The following HR variants were observed in gnomAD, a reference collection of about 807,000 sequenced individuals.
HR encodes the protein HR lysine demethylase and nuclear receptor corepressor.
A neutral mutation model predicts 128.6 loss-of-function variants in HR; 83 were observed. That is an observed-to-expected ratio of 0.65 (90% CI 0.54 to 0.77). HR has a LOEUF of 0.77. Among genes scored for constraint, HR ranks in the 30% least tolerant of loss-of-function variants. HR has a pLI of 0.00. For synonymous variants in HR, 681 were observed against 658.2 expected (o/e 1.03, Z -0.53); for missense variants, 1,490 against 1,574.6 (o/e 0.95, Z 0.91).
In HR at chr8:22,118,853, C is replaced by G. The variant is rs970904983; in HGVS notation, c.3213+97G>C. On this transcript the variant is annotated intron_variant, in intron 16 of 18. Coordinates refer to ENST00000381418, the MANE Select transcript of HR (RefSeq NM_005144.5). ...GTGCAGCTCACCTGAGGGCGTGGGG[C>G]AGGGAGCGAGCACATGGGACCGCAC... The G allele has an allele frequency of 6.9e-6, 7 of 1,011,524 alleles. No individual in the cohort carries two copies. In the East Asian group the frequency reaches 1.2e-4, roughly 18 times the overall value. 62.7% of individuals were successfully genotyped at this position (1,011,524 alleles called of 1,614,324 possible).
Position 22,116,481 on chromosome 8 carries a change from G to C in HR, c.3379-53C>G. 6.3e-7 allele frequency: 1 copy of C among 1,585,370 alleles called. No individual in the cohort carries two copies. Among genetic ancestry groups the C allele is most frequent in the Admixed American group, 1.8e-5 (1 of 56,086 alleles). On this transcript the variant is annotated intron_variant, in intron 17 of 18. Coordinates refer to ENST00000381418, the MANE Select transcript of HR (RefSeq NM_005144.5). This position sits in a 1 kb window ranked among gnomAD's most constrained non-coding sequence, Gnocchi z 4.2. ...GCTCAAGATCACACATCCTCTCCCT[G>C]TCCCCCTGGTCCCTGAGGTTCGCTT...
Position 22,115,614 on chromosome 8 carries a change from C to G in HR, c.*86G>C. ...GGTTGACCAGAAATCCCCAAGTCCC[C>G]TAGCGCCATCCCCTGCTGAAGTTGT... On this transcript the variant is annotated 3_prime_UTR_variant, in exon 19 of 19. Transcript: ENST00000381418. The G allele has an allele frequency of 8.4e-7, 1 of 1,196,182 alleles. No individual in the cohort carries two copies. Among genetic ancestry groups the G allele is most frequent in the Admixed American group, 1.8e-5 (1 of 56,806 alleles). The allele number at this position is 1,196,182 out of a possible 1,614,324, so 74.1% of individuals were successfully genotyped here.
Position 22,127,402 on chromosome 8 carries a change from C to T in HR, c.1040G>A (p.Gly347Asp). Residue 347 changes from glycine (G) to aspartate (D), a missense_variant, in exon 3 of 19, where the codon GGC (glycine) becomes GAC (aspartate). By Grantham distance (94) the Gly-to-Asp change is moderately conservative. This residue lies in a region of HR where 1,060 missense variants were observed against 1,060.9 expected (regional missense o/e 1.00). Transcript: ENST00000381418. The part of the protein sequence containing the change: ...GLGPCGKCQE[G>D]LEGGASGASE... ...GGCTCCACTGGCACCCCCCTCCAGG[C>T]CCTCCTGGCACTTCCCACAAGGGCC... The T allele has an allele frequency of 6.2e-7, 1 of 1,613,308 alleles. No individual in the cohort carries two copies. Among genetic ancestry groups the T allele is most frequent in the South Asian group, 1.1e-5 (1 of 91,082 alleles).
At chr8:22,123,617 T>TGCACCCCCC in intron 6 of HR, 32 bp downstream of exon 6, 1 of 292,092 alleles carries the variant, frequency 3.4e-6, no homozygotes, top group South Asian at 3.0e-5. Context: ...GAGGGCTCCA[T>TGCACCCCCC]CCCGCCCTCC....
chr8:22,116,880 G>A lies in HR; in HGVS notation c.3373C>T (p.His1125Tyr), dbSNP rs1407277375. ...EAVLVPAGAP[H>Y]QVQGLVSTVS... Reference sequence around the variant, plus strand: ...CCCTGCCCGCTGGGAAGCACCTGGTGGGGAGCCCCTGCAGGCACCAGCACG... The same window carrying A: ...CCCTGCCCGCTGGGAAGCACCTGGTAGGGAGCCCCTGCAGGCACCAGCACG... Residue 1125 changes from histidine (H) to tyrosine (Y), a missense_variant, in exon 17 of 19, where the codon CAC (histidine) becomes TAC (tyrosine). Physicochemically the swap from His to Tyr is moderately conservative, Grantham distance 83 (BLOSUM62 2). Transcript: ENST00000381418. The surrounding 1 kb of genome is among the most constrained non-coding windows in gnomAD (Gnocchi z 4.2). 2 of 1,571,102 alleles carry A rather than the reference G, an allele frequency of 1.3e-6. No individual in the cohort carries two copies. Among genetic ancestry groups the A allele is most frequent in the Non-Finnish European group, 1.7e-6 (2 of 1,162,980 alleles).
At position 22,130,861 on chromosome 8, in the gene HR, A is replaced by AG. The variant is rs963991168; in HGVS notation, c.-475dup. The AG allele has an allele frequency of 2.0e-5, 3 of 152,046 alleles. No homozygotes were observed. The highest frequency in any genetic ancestry group is 4.4e-5 in the Non-Finnish European group (3 of 68,034). The allele number at this position is 152,046 out of a possible 1,614,324, so 9.4% of individuals were successfully genotyped here. Reference sequence around the variant, plus strand: ...GGGGGAAAGGCCGAGGGGCCGGGGAAGGGGGTCGTGCCTGGATGGTGGGGG... The same window carrying AG: ...GGGGGAAAGGCCGAGGGGCCGGGGAAGGGGGGTCGTGCCTGGATGGTGGGGG... On this transcript the variant is annotated 5_prime_UTR_variant, in exon 1 of 19. Coordinates refer to ENST00000381418, the MANE Select transcript of HR (RefSeq NM_005144.5).
intron 5 of HR, among the ~76,000 whole-genome samples, chr8:22,124,240 G>A (rs1012062626): frequency 9.9e-5 from 15 of 152,180 alleles, no homozygotes; most frequent in African/African-American, 1.4e-4. Flanking sequence ...CTTTGTTGTC[G>A]TTGTTTTGAG....
intron 9 of HR, among the ~76,000 whole-genome samples, 185 bp downstream of exon 9, chr8:22,121,428 G>A (rs1826749997): frequency 6.6e-6 from 1 of 152,072 alleles, no homozygotes; most frequent in African/African-American, 2.4e-5. Context: ...TAAAAAGAGG[G>A]GTTCAGAGGG....
Position 22,114,956 on chromosome 8 carries a change from G to T in HR, c.*744C>A, listed in dbSNP as rs569585572. ...CAGGCAGTGGTGTCCTGTCCCTTGG[G>T]CCCCAGCTCCGGGCTGCCCTACTCC... On this transcript the variant is annotated 3_prime_UTR_variant, in exon 19 of 19. Coordinates refer to ENST00000381418, the MANE Select transcript of HR (RefSeq NM_005144.5). 1 of 152,916 alleles carries T rather than the reference G, an allele frequency of 6.5e-6. No individual in the cohort carries two copies. Among genetic ancestry groups the T allele is most frequent in the African/African-American group, 2.4e-5 (1 of 41,582 alleles). 9.5% of individuals were successfully genotyped at this position (152,916 alleles called of 1,614,324 possible). A position where few individuals can be genotyped will look rare whatever the true frequency, so the allele number is the denominator to read the frequency against.
rs151169488 is a variant in HR, at chr8:22,116,257, GC to G, written c.3507+42del. 1.8e-3 allele frequency: 2,934 copies of G among 1,611,080 alleles called. 51 individuals are homozygous for G. The African/African-American group carries it at 0.035, about 19-fold the overall frequency. On this transcript the variant is annotated intron_variant, in intron 18 of 18. Transcript: ENST00000381418. The surrounding 1 kb of genome is among the most constrained non-coding windows in gnomAD (Gnocchi z 4.2). ...CAGCTGTGGCACAGGGAGGTGGGAG[GC>G]TTGGGTAGCACACCCAGCCTGCTGG...
rs767407285 is a variant in HR at position 22,120,971 on chromosome 8, G to T, written c.2368-13C>A. The T allele has an allele frequency of 2.5e-6, 4 of 1,604,902 alleles. No homozygotes were observed. The highest frequency in any genetic ancestry group is 3.4e-6 in the Non-Finnish European group (4 of 1,175,844). On this transcript the variant is annotated splice_polypyrimidine_tract_variant and intron_variant, in intron 10 of 18. Transcript: ENST00000381418. ...TGATGCGGTCATCCTGCAGAGAGGG[G>T]CACAGGGGCTTAGGACCCACTGGGC...
Position 22,116,800 on chromosome 8 carries a change from GGATGCCTGCGGC to G in HR, c.3378+63_3378+74del. 6.6e-7 allele frequency: 1 copy of G among 1,515,088 alleles called. No homozygotes were observed. The highest frequency in any genetic ancestry group is 8.9e-7 in the Non-Finnish European group (1 of 1,126,162). The allele number at this position is 1,515,088 out of a possible 1,614,324, so 93.9% of individuals were successfully genotyped here. A position where few individuals can be genotyped will look rare whatever the true frequency, so the allele number is the denominator to read the frequency against. ...GGCTCTTGGGTATTGAGGGGATGTT[GGATGCCTGCGGC>G]CTTGATTGGGTCGCTTCTGCCATCC... On this transcript the variant is annotated intron_variant, in intron 17 of 18. Coordinates refer to ENST00000381418, the MANE Select transcript of HR (RefSeq NM_005144.5). The surrounding 1 kb of genome is among the most constrained non-coding windows in gnomAD (Gnocchi z 4.2).
chr8:22,122,613 G>T lies in HR; in HGVS notation c.2006-5C>A, dbSNP rs756531488. 6.2e-7 allele frequency: 1 copy of T among 1,602,540 alleles called. No individual in the cohort carries two copies. The highest frequency in any genetic ancestry group is 1.1e-5 in the South Asian group (1 of 89,938). On this transcript the variant is annotated splice_region_variant and splice_polypyrimidine_tract_variant and intron_variant, in intron 7 of 18. Coordinates refer to ENST00000381418, the MANE Select transcript of HR (RefSeq NM_005144.5). ...CAGTGCTCAGCTCTGCCAAAGCTGG[G>T]GGTGGGGGTGGGCAGGAGAGGGAGG...
intron 5 of HR, among the ~76,000 whole-genome samples, chr8:22,124,936 T>C (rs1277217017): frequency 6.6e-6 from 1 of 152,036 alleles, no homozygotes; most frequent in African/African-American, 2.4e-5. Flanking sequence ...CCAGCAGCCT[T>C]TGGTCATGAG....
chr8:22,122,593 C>A lies in HR; in HGVS notation c.2021G>T (p.Ser674Ile). ...GACCCAGACCTGGTGCATTGCAGTG[C>A]TCAGCTCTGCCAAAGCTGGGGGTGG... The part of the protein sequence containing the change: ...FVSSQALAEL[S>I]TAMHQVWVKF... Residue 674 changes from serine (S) to isoleucine (I), a missense_variant, in exon 8 of 19, where the codon AGC (serine) becomes ATC (isoleucine). Transcript: ENST00000381418. 6.2e-7 allele frequency: 1 copy of A among 1,609,678 alleles called. No individual in the cohort carries two copies. The highest frequency in any genetic ancestry group is 8.5e-7 in the Non-Finnish European group (1 of 1,177,796).
At position 22,115,435 on chromosome 8, in the gene HR, GC is replaced by G; in HGVS notation, c.*264del. 1 of 574,308 alleles carries G rather than the reference GC, an allele frequency of 1.7e-6. No individual in the cohort carries two copies. Among genetic ancestry groups the G allele is most frequent in the South Asian group, 2.0e-5 (1 of 48,798 alleles). 35.6% of individuals were successfully genotyped at this position (574,308 alleles called of 1,614,324 possible). On this transcript the variant is annotated 3_prime_UTR_variant, in exon 19 of 19. Coordinates refer to ENST00000381418, the MANE Select transcript of HR (RefSeq NM_005144.5). ...GAGTGGGGATTGGAGGAAGTCAATT[GC>G]CCCCAGTGCGGGCCTGGTACCATGA... is the stretch of plus-strand genomic sequence containing the variant.
chr8:22,119,820 A>C lies in HR; in HGVS notation c.2917T>G (p.Ser973Ala). Residue 973 changes from serine (S) to alanine (A), a missense_variant, in exon 14 of 19, where the codon TCC (serine) becomes GCC (alanine). Physicochemically the swap from Ser to Ala is moderately conservative, Grantham distance 99 (BLOSUM62 1). Transcript: ENST00000381418. ...AGGGCAAGGCCCGGTGGGAGGTAGG[A>C]AGCCAGGTTGAGTTTTCCATGGAGG... ...CALHGKLNLA[S>A]YLPPGLALRP... 6.2e-7 allele frequency: 1 copy of C among 1,613,660 alleles called. No homozygotes were observed. Among genetic ancestry groups the C allele is most frequent in the Non-Finnish European group, 8.5e-7 (1 of 1,179,946 alleles).
chr8:22,122,941 A>G, intron 6 of HR, 62 bp from the exon 7 acceptor site: 3 of 1,476,208 alleles, frequency 2.0e-6, no homozygotes, highest in Admixed American at 2.0e-5. Context: ...GGTTAAGGTC[A>G]GAGAAGGTCA....
chr8:22,122,851 G>A lies in HR; in HGVS notation c.1944C>T (p.Cys648=), dbSNP rs1826790386. The A allele has an allele frequency of 1.9e-6, 3 of 1,554,728 alleles. No individual in the cohort carries two copies. The highest frequency in any genetic ancestry group is 2.6e-6 in the Non-Finnish European group (3 of 1,149,202). The part of the protein sequence containing the change: ...AGFQEQSAEE[C]TQEAGHAACS... Reference sequence around the variant, plus strand: ...AGGCAGCGTGCCCGGCCTCCTGCGTGCACTCCTCCGCGGACTGCTCCTGAA... The same window carrying A: ...AGGCAGCGTGCCCGGCCTCCTGCGTACACTCCTCCGCGGACTGCTCCTGAA... Residue 648 remains cysteine (C), a synonymous_variant, in exon 7 of 19, where the codon TGC becomes TGT. Coordinates refer to ENST00000381418, the MANE Select transcript of HR (RefSeq NM_005144.5).
Sources: allele counts gnomAD v4.1 joint callset (sites outside exome capture counted in the v4.1 genomes callset), GRCh38; gene constraint gnomAD v4.1.1; regional missense constraint gnomAD v4.1.1; non-coding constraint Gnocchi (gnomAD v3.1); transcripts MANE v1.5; gene names NCBI Gene and HGNC (gene_info 2026-07-23, HGNC 2026-07-21).